PARP16: variants seen among roughly 807,000 people sequenced by gnomAD.
PARP16 encodes protein mono-ADP-ribosyltransferase PARP16.
In PARP16, 31 loss-of-function variants were observed where a neutral mutation model predicts 35.0. The observed-to-expected ratio is 0.88, with a 90% CI of 0.66 to 1.19. The LOEUF (loss-of-function observed/expected upper bound fraction) is 1.19. PARP16 is among the 50% of genes most tolerant of loss of function. PARP16 has a pLI of 0.00. For synonymous variants in PARP16, 162 were observed against 169.5 expected (o/e 0.96, Z 0.34); for missense variants, 424 against 411.2 (o/e 1.03, Z -0.27).
chr15:65,263,211 C>G lies in PARP16; in HGVS notation c.629G>C (p.Ser210Thr). ...WQHSLLGPIL[S>T]CVAVCEVIDH... ...AATGACCTCACACACGGCCACACAG[C>G]TAAGGATGGGGCCGAGGAGGCTGTG... The change falls in exon 4 of 6, where the codon AGC (serine) becomes ACC (threonine). Residue 210 changes from serine (S) to threonine (T), a missense_variant. Physicochemically the swap from Ser to Thr is moderately conservative, Grantham distance 58. Transcript: ENST00000649807. The G allele has an allele frequency of 6.2e-7, 1 of 1,614,188 alleles. No homozygotes were observed. The highest frequency in any genetic ancestry group is 8.5e-7 in the Non-Finnish European group (1 of 1,180,028).
intron 3 of PARP16, among the ~76,000 whole-genome samples, chr15:65,240,905 T>G (rs545841228): frequency 3.3e-5 from 5 of 150,770 alleles, no homozygotes; most frequent in Non-Finnish European, 7.4e-5. Flanking sequence ...CAATCTCGGC[T>G]CACTGCAACT....
intron 1 of PARP16, among the ~76,000 whole-genome samples, chr15:65,278,568 G>A (rs1405996608): frequency 1.3e-5 from 2 of 152,166 alleles, no homozygotes; most frequent in East Asian, 3.9e-4. Flanking sequence ...GAGGACCAAT[G>A]AGCTACAAGG....
At chr15:65,260,750 C>T in intron 5 of PARP16, 135 bp downstream of exon 5, 1 of 741,880 alleles carries the variant, frequency 1.3e-6, no homozygotes, top group Non-Finnish European at 2.3e-6. Flanking sequence ...TCACTTCTCA[C>T]CGTGTCCAGC....
At chr15:65,245,323 G>A (rs894292845) in intron 3 of PARP16, among the ~76,000 whole-genome samples, 3 of 152,198 alleles carry the variant, frequency 2.0e-5, no homozygotes, top group Admixed American at 6.5e-5. Context: ...GGAGACAGGC[G>A]GTAGGACACG....
At chr15:65,257,042 G>C (rs1596005139), downstream of PARP16, among the ~76,000 whole-genome samples, 2 of 152,300 alleles carry the variant, frequency 1.3e-5, no homozygotes, top group East Asian at 3.9e-4. Flanking sequence ...CCTGTAATTG[G>C]GAAGCTGAGG....
chr15:65,244,419 A>G (rs1307248868), intron 3 of PARP16, among the ~76,000 whole-genome samples: 1 of 152,210 alleles, frequency 6.6e-6, no homozygotes, highest in Non-Finnish European at 1.5e-5. Context: ...AGATGAAGGA[A>G]GAGCAAAGTC....
At chr15:65,247,496 T>C (rs756475723) in intron 3 of PARP16, among the ~76,000 whole-genome samples, 2 of 152,154 alleles carry the variant, frequency 1.3e-5, no homozygotes, top group African/African-American at 2.4e-5. Context: ...TCAATCACCC[T>C]CCTTCTGTAA....
chr15:65,231,747 CTG>C (rs2140699478), downstream of PARP16, among the ~76,000 whole-genome samples: 1 of 152,256 alleles, frequency 6.6e-6, no homozygotes, highest in East Asian at 1.9e-4. Context: ...CATGCTTGGC[CTG>C]TGTTTTTAAG....
At chr15:65,248,929 C>T (rs889330715) in intron 2 of PARP16, among the ~76,000 whole-genome samples, 5 of 152,182 alleles carry the variant, frequency 3.3e-5, no homozygotes, top group East Asian at 1.9e-4. Flanking sequence ...CCAGGCTGGA[C>T]GCTGGATGGT....
downstream of PARP16, among the ~76,000 whole-genome samples, chr15:65,257,167 A>C (rs1442855014): frequency 6.6e-6 from 1 of 152,154 alleles, no homozygotes; most frequent in Non-Finnish European, 1.5e-5. Flanking sequence ...CTGTAATCCC[A>C]GTACTTTGGA....
downstream of PARP16, among the ~76,000 whole-genome samples, chr15:65,256,435 T>C (rs1350848270): frequency 7.6e-6 from 1 of 132,102 alleles, no homozygotes; most frequent in South Asian, 2.6e-4. Flanking sequence ...TGAGATGGAG[T>C]CTCGCTCTGT....
intron 3 of PARP16, among the ~76,000 whole-genome samples, chr15:65,239,798 A>G (rs967820099): frequency 1.9e-4 from 28 of 150,544 alleles, no homozygotes; most frequent in Admixed American, 1.6e-3. Flanking sequence ...CTGGGACTAC[A>G]GGCACCTTCC....
downstream of PARP16, among the ~76,000 whole-genome samples, chr15:65,255,534 A>G (rs2089475399): frequency 6.6e-6 from 1 of 151,688 alleles, no homozygotes; most frequent in Non-Finnish European, 1.5e-5. Context: ...GCCCACTCGA[A>G]CCCTCTAGAC....
chr15:65,263,866 A>G lies in PARP16; in HGVS notation c.520-546T>C, dbSNP rs190015245. ...TTCCTGTTACATGAATGCAGTAGGC[A>G]TGGTTACTCTGATGGGCTTCAAATG... On this transcript the variant is annotated intron_variant, in intron 3 of 5. Transcript: ENST00000649807. Among the ~76,000 whole-genome samples the G allele has an allele frequency of 2.2e-3, 333 of 152,298 alleles. 2 individuals are homozygous for G. Among genetic ancestry groups the G allele is most frequent in the African/African-American group, 7.1e-3 (297 of 41,568 alleles).
chr15:65,250,665 G>C (rs2089334212), intron 2 of PARP16, among the ~76,000 whole-genome samples: 1 of 151,984 alleles, frequency 6.6e-6, no homozygotes, highest in Non-Finnish European at 1.5e-5. Flanking sequence ...CTGCATCTCT[G>C]GTCTTCCTGA....
chr15:65,279,951 T>A (rs1032851570), intron 1 of PARP16, among the ~76,000 whole-genome samples: 1 of 151,762 alleles, frequency 6.6e-6, no homozygotes, highest in African/African-American at 2.4e-5. Flanking sequence ...TTGTAAAGAA[T>A]GATCTTTCCA....
Position 65,274,346 on chromosome 15 carries a change from A to C in PARP16, c.175-3274T>G, listed in dbSNP as rs540503047. On this transcript the variant is annotated intron_variant, in intron 1 of 5. Transcript: ENST00000649807. Reference sequence around the variant, plus strand: ...GAAGCTGAGGTGGGCGGAGCTCTTCAGTTCAGGTGCTCAACACCAGCAGGG... The same window carrying C: ...GAAGCTGAGGTGGGCGGAGCTCTTCCGTTCAGGTGCTCAACACCAGCAGGG... 7.9e-5 allele frequency among the ~76,000 whole-genome samples: 12 copies of C among 151,224 alleles called. No homozygotes were observed. The South Asian group carries it at 2.5e-3, about 32-fold the overall frequency.
At chr15:65,284,889 C>T (rs956420150) in intron 1 of PARP16, among the ~76,000 whole-genome samples, 1 of 137,752 alleles carries the variant, frequency 7.3e-6, no homozygotes, top group Admixed American at 8.1e-5. Flanking sequence ...GTGATTACAG[C>T]TCATTGCAGC....
At chr15:65,235,886 T>C (rs2088868122) in intron 3 of PARP16, among the ~76,000 whole-genome samples, 1 of 139,994 alleles carries the variant, frequency 7.1e-6, no homozygotes, top group Non-Finnish European at 1.5e-5. Context: ...TTTTTGAGAC[T>C]GAGTCTCTCT....
Sources: gnomAD v4.1 joint callset for allele counts (sites outside exome capture counted in the v4.1 genomes callset) on GRCh38, gnomAD v4.1.1 for gene constraint, MANE v1.5 for transcripts, NCBI Gene and HGNC (gene_info 2026-07-23, HGNC 2026-07-21) for gene names.